The following SYNPR variants were observed in gnomAD, a reference collection of about 807,000 sequenced individuals.
The protein encoded by SYNPR is synaptoporin.
In SYNPR, 23 loss-of-function variants were observed where a neutral mutation model predicts 32.9. That is an observed-to-expected ratio of 0.70 (90% CI 0.50 to 0.99). The LOEUF (loss-of-function observed/expected upper bound fraction) is 0.99, where lower values mean the gene tolerates loss of function less well. SYNPR is among the 50% of genes least tolerant of loss of function. SYNPR has a pLI of 0.00. For synonymous variants in SYNPR, 146 were observed against 135.9 expected, an observed-to-expected ratio of 1.07 and a Z score of -0.52; for missense variants, 318 against 349.3, an observed-to-expected ratio of 0.91 and a Z score of 0.71.
At chr3:63,498,177 A>T (rs552058619) in intron 3 of SYNPR, among the ~76,000 whole-genome samples, 1 of 152,230 alleles carries the variant, frequency 6.6e-6, no homozygotes, top group South Asian at 2.1e-4. Context: ...ATCTTTAGCT[A>T]TGTTTGCGAT....
At chr3:63,454,016 C>T (rs1048303670) in intron 2 of SYNPR, among the ~76,000 whole-genome samples, 1 of 152,048 alleles carries the variant, frequency 6.6e-6, no homozygotes, top group Non-Finnish European at 1.5e-5. Flanking sequence ...TTTAATTTAG[C>T]ATACAGTTCT....
chr3:63,398,483 G>A (rs2088246203), intron 2 of SYNPR, among the ~76,000 whole-genome samples: 1 of 152,056 alleles, frequency 6.6e-6, no homozygotes, highest in South Asian at 2.1e-4. Context: ...CACTTTGGGA[G>A]GCCAAGGCGG....
chr3:63,526,014 TAGAG>T (rs1427633596), intron 3 of SYNPR, among the ~76,000 whole-genome samples: 1 of 152,066 alleles, frequency 6.6e-6, no homozygotes, highest in Non-Finnish European at 1.5e-5. Context: ...CCAGTGTGCT[TAGAG>T]AGCACATGGC....
chr3:63,385,065 A>C (rs572547679), intron 2 of SYNPR, among the ~76,000 whole-genome samples: 1 of 152,256 alleles, frequency 6.6e-6, no homozygotes, highest in East Asian at 1.9e-4. Context: ...CTATGCTTAC[A>C]AACTTCAGTC....
chr3:63,233,004 A>G (rs745936942), intron 1 of SYNPR, among the ~76,000 whole-genome samples: 24 of 152,196 alleles, frequency 1.6e-4, no homozygotes, highest in Non-Finnish European at 3.1e-4. Flanking sequence ...AACTTACTTT[A>G]CTAATTTCAT....
intron 2 of SYNPR, among the ~76,000 whole-genome samples, chr3:63,360,877 A>G (rs2087650096): frequency 6.6e-6 from 1 of 152,124 alleles, no homozygotes; most frequent in Non-Finnish European, 1.5e-5. Context: ...ATTGCTATCC[A>G]AGATCACCCA....
intron 3 of SYNPR, among the ~76,000 whole-genome samples, chr3:63,547,705 A>G (rs1702432798): frequency 6.6e-6 from 1 of 152,178 alleles, no homozygotes; most frequent in South Asian, 2.1e-4. Flanking sequence ...AGAAGTCACC[A>G]AATATGTGAT....
chr3:63,450,088 G>A (rs1182199238), intron 2 of SYNPR, among the ~76,000 whole-genome samples: 1 of 152,062 alleles, frequency 6.6e-6, no homozygotes, highest in Non-Finnish European at 1.5e-5. Flanking sequence ...AGTAGTTAGG[G>A]AATTTGAGAT....
intron 2 of SYNPR, among the ~76,000 whole-genome samples, chr3:63,389,533 T>G (rs2088104751): frequency 6.6e-6 from 1 of 152,208 alleles, no homozygotes; most frequent in African/African-American, 2.4e-5. Context: ...TTGAGTCTTA[T>G]GCCCATCCCT....
intron 2 of SYNPR, among the ~76,000 whole-genome samples, chr3:63,459,214 A>G (rs1366347924): frequency 6.6e-6 from 1 of 152,094 alleles, no homozygotes; most frequent in East Asian, 1.9e-4. Context: ...TACTCCCACT[A>G]TTCACCAATT....
chr3:63,408,189 A>G (rs972940342), intron 2 of SYNPR, among the ~76,000 whole-genome samples: 2 of 100,012 alleles, frequency 2.0e-5, no homozygotes, highest in Non-Finnish European at 4.0e-5. Flanking sequence ...AAAGAAAGAA[A>G]GAAAGAGGAA....
rs562883845 is a variant in SYNPR, at chr3:63,335,981, G to A, written c.84+57239G>A. 2.6e-5 allele frequency among the ~76,000 whole-genome samples: 4 copies of A among 151,920 alleles called. No homozygotes were observed. In the East Asian group the frequency reaches 7.8e-4, roughly 29 times the overall value. Reference sequence around the variant, plus strand: ...AATAGAGACGGGGTTACTCCATGTTGGTCAGGCTGGCCTTGAACTCCTAAC... The same window carrying A: ...AATAGAGACGGGGTTACTCCATGTTAGTCAGGCTGGCCTTGAACTCCTAAC... On this transcript the variant is annotated intron_variant, in intron 2 of 5. Transcript: ENST00000478300.
At chr3:63,483,210 TAA>T (rs1413566665) in intron 3 of SYNPR, among the ~76,000 whole-genome samples, 1 of 152,174 alleles carries the variant, frequency 6.6e-6, no homozygotes, top group Non-Finnish European at 1.5e-5. Context: ...TTGTTAATAA[TAA>T]AAGACTGAAA....
intron 1 of SYNPR, among the ~76,000 whole-genome samples, chr3:63,252,092 T>C (rs1402710846): frequency 6.6e-6 from 1 of 152,026 alleles, no homozygotes; most frequent in African/African-American, 2.4e-5. Context: ...TATACTCTGA[T>C]ATAAAAGATC....
At chr3:63,494,466 T>TATAC (rs1701328037) in intron 3 of SYNPR, among the ~76,000 whole-genome samples, 3 of 122,830 alleles carry the variant, frequency 2.4e-5, no homozygotes, top group Admixed American at 1.6e-4. Flanking sequence ...TATACATATA[T>TATAC]ACACATATAT....
intron 2 of SYNPR, among the ~76,000 whole-genome samples, chr3:63,434,762 G>C (rs890977415): frequency 6.6e-6 from 1 of 152,202 alleles, no homozygotes; most frequent in African/African-American, 2.4e-5. Flanking sequence ...TTTGCTGATA[G>C]AGCTCTCCCT....
In SYNPR at chr3:63,462,200, C is replaced by G. The variant is rs117845445; in HGVS notation, c.85-18632C>G. On this transcript the variant is annotated intron_variant, in intron 2 of 5. Transcript: ENST00000478300. ...CTCCTTTTCTGTCTTTTGGGCCAGACAGACCCTTCCTCAAAGAAGCCTTCC... is the reference window on the plus strand; with the variant it reads ...CTCCTTTTCTGTCTTTTGGGCCAGAGAGACCCTTCCTCAAAGAAGCCTTCC... 8.4e-3 allele frequency among the ~76,000 whole-genome samples: 1,271 copies of G among 152,190 alleles called. 57 individuals carry two copies. The East Asian group carries it at 0.13, about 16-fold the overall frequency.
intron 4 of SYNPR, among the ~76,000 whole-genome samples, chr3:63,593,180 A>C (rs910906556): frequency 6.6e-6 from 1 of 152,172 alleles, no homozygotes; most frequent in East Asian, 1.9e-4. Flanking sequence ...CAATAGAGCT[A>C]TTAATATTAA....
At chr3:63,445,762 C>T (rs375500807) in intron 2 of SYNPR, among the ~76,000 whole-genome samples, 1 of 152,186 alleles carries the variant, frequency 6.6e-6, no homozygotes, top group South Asian at 2.1e-4. Flanking sequence ...GTCTCGGAAC[C>T]AGGCAGGCTC....
Sources: gnomAD v4.1 joint callset for allele counts (sites outside exome capture counted in the v4.1 genomes callset) on GRCh38, gnomAD v4.1.1 for gene constraint, MANE v1.5 for transcripts, NCBI Gene and HGNC (gene_info 2026-07-23, HGNC 2026-07-21) for gene names.